The following LPA variants were observed in gnomAD, a reference collection of about 807,000 sequenced individuals.
LPA encodes lipoprotein(a), also known as apolipoprotein(a).
LPA carries 199 observed loss-of-function variants against 197.9 expected under a neutral mutation model. That is an observed-to-expected ratio of 1.01 (90% confidence interval 0.90 to 1.13). The LOEUF (loss-of-function observed/expected upper bound fraction) is 1.13, where lower values mean the gene tolerates loss of function less well. Among genes scored for constraint, LPA ranks in the 50% most tolerant of loss-of-function variants. LPA has a pLI of 0.00. For missense variants in LPA, 1,853 were observed against 1,785.8 expected, an observed-to-expected ratio of 1.04 and a Z score of -0.68; for synonymous variants, 715 against 639.5, an observed-to-expected ratio of 1.12 and a Z score of -1.78.
chr6:160,650,163 G>A, intron 2 of LPA, among the ~76,000 whole-genome samples, 175 bp downstream of exon 2: 1 of 152,182 alleles, frequency 6.6e-6, no homozygotes, highest in Non-Finnish European at 1.5e-5. Context: ...AAGAGAGCCA[G>A]CTTAACATTT....
At chr6:160,557,121 G>A (rs1778277146) in intron 29 of LPA, among the ~76,000 whole-genome samples, 1 of 151,732 alleles carries the variant, frequency 6.6e-6, no homozygotes. Context: ...TGTTAGAATT[G>A]GAATTTTGTC....
At chr6:160,570,993 C>T (rs1298529038) in intron 28 of LPA, among the ~76,000 whole-genome samples, 1 of 152,202 alleles carries the variant, frequency 6.6e-6, no homozygotes, top group Non-Finnish European at 1.5e-5. Context: ...TCTCCCATCA[C>T]TTTCAGGTAC....
At chr6:160,559,420 A>G (rs1205473506) in intron 28 of LPA, among the ~76,000 whole-genome samples, 1 of 152,210 alleles carries the variant, frequency 6.6e-6, no homozygotes, top group African/African-American at 2.4e-5. Flanking sequence ...GTTATTGATG[A>G]ACATTGAAAT....
intron 28 of LPA, among the ~76,000 whole-genome samples, chr6:160,572,271 C>G (rs1778576807): frequency 6.6e-6 from 1 of 152,112 alleles, no homozygotes; most frequent in Non-Finnish European, 1.5e-5. Flanking sequence ...AATGACCCAC[C>G]CTATGTGTTG....
At chr6:160,551,476 A>G (rs1227538513) in intron 30 of LPA, among the ~76,000 whole-genome samples, 4 of 152,200 alleles carry the variant, frequency 2.6e-5, no homozygotes, top group Non-Finnish European at 4.4e-5. Flanking sequence ...TTTTCTTCTC[A>G]TGTGTTACTT....
At chr6:160,595,709 A>G (rs184015005) in intron 20 of LPA, among the ~76,000 whole-genome samples, 174 bp from the exon 21 acceptor site, 1 of 152,340 alleles carries the variant, frequency 6.6e-6, no homozygotes, top group Admixed American at 6.5e-5. Context: ...CGAACATCTC[A>G]AAGACAAATT....
intron 28 of LPA, among the ~76,000 whole-genome samples, chr6:160,561,320 G>A (rs1209535936): frequency 1.3e-5 from 2 of 152,200 alleles, no homozygotes; most frequent in Non-Finnish European, 2.9e-5. Context: ...TTATTAAATA[G>A]GGAATCCTTT....
At chr6:160,652,128 AAAAAC>A (rs1780018523) in intron 1 of LPA, among the ~76,000 whole-genome samples, 1 of 152,070 alleles carries the variant, frequency 6.6e-6, no homozygotes, top group African/African-American at 2.4e-5. Context: ...AAGTGAAAAA[AAAAAC>A]AAAACAGTAG....
At chr6:160,663,666 T>C (rs915939900) in intron 1 of LPA, among the ~76,000 whole-genome samples, 10 of 152,254 alleles carry the variant, frequency 6.6e-5, no homozygotes, top group African/African-American at 1.4e-4. Context: ...GAAGCAAATG[T>C]ATACCGATGG....
At chr6:160,587,851 G>A (rs548087817) in intron 24 of LPA, among the ~76,000 whole-genome samples, 42 of 150,380 alleles carry the variant, frequency 2.8e-4, no homozygotes, top group African/African-American at 1.0e-3. Flanking sequence ...AGCTCCTATT[G>A]AATTATTTTC....
chr6:160,647,356 C>T lies in LPA; in HGVS notation c.210-961G>A, dbSNP rs117118231. Among the ~76,000 whole-genome samples, 258 of 152,246 alleles carry T rather than the reference C, an allele frequency of 1.7e-3. 3 individuals are homozygous for T. The East Asian group carries it at 0.042, about 25-fold the overall frequency. The stretch of plus-strand genomic sequence containing the variant: ...CTTATGCCTCCCAAGAACGTTGCTC[C>T]AACCTCTCAGTATCCTCACATTCAT... On this transcript the variant is annotated intron_variant, in intron 2 of 38. Transcript: ENST00000316300.
chr6:160,589,465 G>C (rs528536995), intron 24 of LPA, 88 bp downstream of exon 24: 44 of 1,490,344 alleles, frequency 3.0e-5, no homozygotes, highest in Admixed American at 1.4e-4. Flanking sequence ...GAGAAATTGG[G>C]TCATAAGAAG....
At chr6:160,597,534 T>C (rs1240412267) in intron 20 of LPA, among the ~76,000 whole-genome samples, 1 of 152,218 alleles carries the variant, frequency 6.6e-6, no homozygotes, top group Non-Finnish European at 1.5e-5. Context: ...TTGAATTATT[T>C]TTCAGTTAAT....
intron 1 of LPA, among the ~76,000 whole-genome samples, chr6:160,658,942 T>C (rs1780176113): frequency 6.6e-6 from 1 of 151,996 alleles, no homozygotes; most frequent in South Asian, 2.1e-4. Context: ...ATAGTGAGTA[T>C]ACCTATATCT....
chr6:160,595,588 C>A lies in LPA; in HGVS notation c.3288-53G>T, dbSNP rs1345872094. 6 of 1,612,700 alleles carry A rather than the reference C, an allele frequency of 3.7e-6. No individual in the cohort carries two copies. In the Admixed American group the frequency reaches 1.0e-4, roughly 27 times the overall value. On this transcript the variant is annotated intron_variant, in intron 20 of 38. Transcript: ENST00000316300. The stretch of plus-strand genomic sequence containing the variant: ...CCAGAGATGGGAGAAGATTCAAGGG[C>A]ACTTAGCGCCCTCTACATTTTGCTG...
chr6:160,589,806 G>A, intron 23 of LPA, 94 bp from the exon 24 acceptor site: 1 of 1,422,188 alleles, frequency 7.0e-7, no homozygotes. Flanking sequence ...CATCATCTCT[G>A]AAAATGACGA....
At chr6:160,561,370 T>C (rs1778358911) in intron 28 of LPA, among the ~76,000 whole-genome samples, 1 of 152,198 alleles carries the variant, frequency 6.6e-6, no homozygotes, top group African/African-American at 2.4e-5. Context: ...AAAGATCCAA[T>C]AGTTGTAGAT....
intron 1 of LPA, among the ~76,000 whole-genome samples, chr6:160,652,930 G>C (rs1243179215): frequency 6.6e-6 from 1 of 152,004 alleles, no homozygotes. Flanking sequence ...GTAAGTCGTG[G>C]AGATAAACTC....
chr6:160,548,944 G>C (rs151233762), intron 30 of LPA, among the ~76,000 whole-genome samples: 60 of 152,308 alleles, frequency 3.9e-4, no homozygotes, highest in African/African-American at 1.3e-3. Context: ...GACTGGGTAA[G>C]TTACAAAGAA....
Sources: allele counts gnomAD v4.1 joint callset (sites outside exome capture counted in the v4.1 genomes callset), GRCh38; gene constraint gnomAD v4.1.1; transcripts MANE v1.5; gene names NCBI Gene and HGNC (gene_info 2026-07-23, HGNC 2026-07-21).